The following MAST4 variants were observed in gnomAD, a reference collection of about 807,000 sequenced individuals.
The protein encoded by MAST4 is microtubule associated serine/threonine kinase family member 4.
In MAST4, 89 loss-of-function variants were observed where a neutral mutation model predicts 162.7. The observed-to-expected ratio is 0.55, with a 90% CI of 0.46 to 0.65. The LOEUF is 0.65. Among genes scored for constraint, MAST4 ranks in the 30% least tolerant of loss-of-function variants. The pLI is 0.00. For synonymous variants in MAST4, 1,479 were observed against 1,361.1 expected (o/e 1.09, Z -1.91); for missense variants, 3,153 against 3,374.0 (o/e 0.93, Z 1.62).
At chr5:66,717,777 C>T (rs969222062) in intron 1 of MAST4, among the ~76,000 whole-genome samples, 65 of 152,292 alleles carry the variant, frequency 4.3e-4, no homozygotes, top group African/African-American at 1.5e-3. Flanking sequence ...AGCTAATCTC[C>T]CTTATGTTTA....
intron 1 of MAST4, among the ~76,000 whole-genome samples, chr5:66,612,648 T>G (rs78040005): frequency 6.6e-6 from 1 of 152,160 alleles, no homozygotes; most frequent in Admixed American, 6.5e-5. Flanking sequence ...CAGTGCACTA[T>G]CAAGTGAACA....
At position 67,137,752 on chromosome 5, in the gene MAST4, A is replaced by G. The variant is rs7729735; in HGVS notation, c.2494+1088A>G. 5.9e-3 allele frequency among the ~76,000 whole-genome samples: 895 copies of G among 152,310 alleles called. 12 individuals are homozygous for G. The highest frequency in any genetic ancestry group is 0.02 in the African/African-American group (823 of 41,568). On this transcript the variant is annotated intron_variant, in intron 19 of 28. Coordinates refer to ENST00000403625, the MANE Select transcript of MAST4 (RefSeq NM_001164664.2). ...ATTTGTCCCACAGCCTGGTATGGTA[A>G]ATAAAGCGTTACTGAAACACCTCCA...
intron 4 of MAST4, among the ~76,000 whole-genome samples, chr5:66,999,108 A>T (rs766799526): frequency 2.0e-5 from 3 of 152,142 alleles, no homozygotes; most frequent in Non-Finnish European, 4.4e-5. Flanking sequence ...TTTAGAATGG[A>T]GAGATACACT....
At chr5:66,757,248 A>T (rs1251319266) in intron 1 of MAST4, among the ~76,000 whole-genome samples, 2 of 152,214 alleles carry the variant, frequency 1.3e-5, no homozygotes, top group Non-Finnish European at 2.9e-5. Flanking sequence ...TAAATGAGAA[A>T]TATTTGTATT....
intron 1 of MAST4, among the ~76,000 whole-genome samples, chr5:66,613,760 G>T (rs16895311): frequency 1.2e-4 from 19 of 152,122 alleles, no homozygotes; most frequent in African/African-American, 4.1e-4. Context: ...GCTAATTCTT[G>T]GTGTTTGCAG....
intron 1 of MAST4, among the ~76,000 whole-genome samples, chr5:66,659,548 G>A (rs1382867563): frequency 2.6e-5 from 4 of 152,180 alleles, no homozygotes; most frequent in Non-Finnish European, 5.9e-5. Flanking sequence ...TTCCTTTAAA[G>A]ATTCTGTTTA....
Position 67,060,634 on chromosome 5 carries a change from C to T in MAST4, c.763+6142C>T, listed in dbSNP as rs12652236. Among the ~76,000 whole-genome samples the T allele has an allele frequency of 3.2e-4, 48 of 152,068 alleles. No homozygotes were observed. In the East Asian group the frequency reaches 4.6e-3, roughly 15 times the overall value. On this transcript the variant is annotated intron_variant, in intron 5 of 28. Coordinates refer to ENST00000403625, the MANE Select transcript of MAST4 (RefSeq NM_001164664.2). The stretch of plus-strand genomic sequence containing the variant: ...CTGGGACTACAGGCGCCTGCCACCA[C>T]GCCTGGCTAATTTTTTGTATTTTTA...
At chr5:66,774,994 CCTGTGTGT>C (rs1229563094) in intron 2 of MAST4, among the ~76,000 whole-genome samples, 5 of 102,124 alleles carry the variant, frequency 4.9e-5, no homozygotes, top group African/African-American at 7.7e-5. Flanking sequence ...ATATCCTTTT[CCTGTGTGT>C]GTGTGTGTGT....
intron 1 of MAST4, among the ~76,000 whole-genome samples, chr5:66,750,940 T>C (rs1580361546): frequency 2.6e-5 from 4 of 152,350 alleles, no homozygotes; most frequent in African/African-American, 9.6e-5. Flanking sequence ...AGCATGCAGC[T>C]GGAGATCTGA....
intron 1 of MAST4, among the ~76,000 whole-genome samples, chr5:66,675,706 CG>C (rs1039391918): frequency 3.3e-5 from 5 of 151,904 alleles, no homozygotes; most frequent in African/African-American, 1.2e-4. Flanking sequence ...AGTGCATTGA[CG>C]AAGAGAATTA....
At chr5:66,700,795 A>G (rs1749719287) in intron 1 of MAST4, among the ~76,000 whole-genome samples, 1 of 112,916 alleles carries the variant, frequency 8.9e-6, no homozygotes, top group Non-Finnish European at 1.8e-5. Flanking sequence ...ATATATATAT[A>G]TATATACACA....
intron 5 of MAST4, among the ~76,000 whole-genome samples, chr5:67,073,450 A>G (rs1043891687): frequency 6.6e-6 from 1 of 152,248 alleles, no homozygotes; most frequent in Non-Finnish European, 1.5e-5. Context: ...CAGAGGCAGG[A>G]CTCGGCTCAC....
At chr5:66,731,570 A>G (rs1298884237) in intron 1 of MAST4, among the ~76,000 whole-genome samples, 1 of 152,164 alleles carries the variant, frequency 6.6e-6, no homozygotes, top group Non-Finnish European at 1.5e-5. Context: ...TGGTTTTGAA[A>G]ACCACTTTGT....
At chr5:66,935,670 CT>C in intron 4 of MAST4, among the ~76,000 whole-genome samples, 1 of 146,642 alleles carries the variant, frequency 6.8e-6, no homozygotes, top group South Asian at 2.1e-4. Flanking sequence ...TTCTTTCTTT[CT>C]TTCTTTTTTT....
chr5:66,721,115 C>G (rs140935224), intron 1 of MAST4, among the ~76,000 whole-genome samples: 2 of 152,222 alleles, frequency 1.3e-5, no homozygotes, highest in Non-Finnish European at 2.9e-5. Flanking sequence ...CTTTCCTTCT[C>G]TCCTGCATTG....
chr5:67,041,774 C>T (rs936124216), intron 4 of MAST4, among the ~76,000 whole-genome samples: 2 of 152,098 alleles, frequency 1.3e-5, no homozygotes, highest in Non-Finnish European at 2.9e-5. Flanking sequence ...AATTACAGGC[C>T]TGTGCCACCA....
chr5:66,609,700 T>G (rs567160775), intron 1 of MAST4, among the ~76,000 whole-genome samples: 82 of 110,778 alleles, frequency 7.4e-4, no homozygotes, highest in East Asian at 3.0e-3. Context: ...TGTTTTTTTT[T>G]TTTTGTTTTT....
chr5:66,692,492 CTTCCA>C (rs1749112515), intron 1 of MAST4, among the ~76,000 whole-genome samples: 2 of 151,232 alleles, frequency 1.3e-5, no homozygotes, highest in Non-Finnish European at 2.9e-5. Context: ...CCATGTTCAT[CTTCCA>C]TCCCTGGGAG....
chr5:66,890,701 G>A (rs1254330799), intron 3 of MAST4, among the ~76,000 whole-genome samples: 1 of 152,142 alleles, frequency 6.6e-6, no homozygotes, highest in African/African-American at 2.4e-5. Context: ...GCCTACAGGA[G>A]GGGTCTGTGG....
Sources: allele counts gnomAD v4.1 joint callset (sites outside exome capture counted in the v4.1 genomes callset), GRCh38; gene constraint gnomAD v4.1.1; transcripts MANE v1.5; gene names NCBI Gene and HGNC (gene_info 2026-07-23, HGNC 2026-07-21).